Variants in RPS14 observed in about 807,000 individuals in gnomAD.
RPS14 encodes the protein ribosomal protein S14, also known as small ribosomal subunit protein uS11.
Under a neutral mutation model 15.4 loss-of-function variants are expected in RPS14, and 1 was observed. That is an observed-to-expected ratio of 0.07 (90% CI 0.02 to 0.31). The LOEUF is 0.31. Among genes scored for constraint, RPS14 ranks in the 10% least tolerant of loss-of-function variants. RPS14 has a pLI of 1.00. For synonymous variants in RPS14, 68 were observed against 74.4 expected (o/e 0.91, Z 0.44); for missense variants, 69 against 205.5 (o/e 0.34, Z 4.06).
chr5:150,445,278 C>T (rs1771059474), intron 4 of RPS14: 3 of 406,222 alleles, frequency 7.4e-6, no homozygotes, highest in Non-Finnish European at 1.3e-5. Flanking sequence ...AAATGCTGAA[C>T]ATCCTACAAT....
In RPS14 at chr5:150,446,559, T is replaced by C. The variant is rs1771103696; in HGVS notation, c.311+243A>G. 6.6e-6 allele frequency among the ~76,000 whole-genome samples: 1 copy of C among 152,076 alleles called. No individual in the cohort carries two copies. The highest frequency in any genetic ancestry group is 6.6e-5 in the Admixed American group (1 of 15,260). ...CAGCCTCGGTCCCACACAAGGAGGG[T>C]AGAGACCATGTCTGTTTCCCCATCA... On this transcript the variant is annotated intron_variant, in intron 3 of 4. Coordinates refer to ENST00000407193, the MANE Select transcript of RPS14 (RefSeq NM_005617.4). This position sits in a 1 kb window ranked among gnomAD's most constrained non-coding sequence, Gnocchi z 4.2.
chr5:150,442,961 G>C lies in RPS14; in HGVS notation c.*1325C>G, dbSNP rs563946250. 6.6e-6 allele frequency: 1 copy of C among 152,214 alleles called. No homozygotes were observed. The highest frequency in any genetic ancestry group is 1.5e-5 in the Non-Finnish European group (1 of 68,070). The allele number at this position is 152,214 out of a possible 1,614,324, so 9.4% of individuals were successfully genotyped here. The stretch of plus-strand genomic sequence containing the variant: ...CGTCCTCCTGTCTCGGCTTCCCAAA[G>C]TGTTGGGATTATAGGCGTGAACCAC... On this transcript the variant is annotated 3_prime_UTR_variant, in exon 5 of 5. Coordinates refer to ENST00000407193, the MANE Select transcript of RPS14 (RefSeq NM_005617.4).
At chr5:150,447,828 C>A (rs1479149480) in intron 1 of RPS14, 93 bp from the exon 2 acceptor site, 1 of 1,345,434 alleles carries the variant, frequency 7.4e-7, no homozygotes, top group African/African-American at 1.5e-5. Context: ...AGTCCTGCTT[C>A]ATGTCCCTGT....
intron 4 of RPS14, among the ~76,000 whole-genome samples, chr5:150,444,906 T>G (rs1489797257): frequency 6.6e-6 from 1 of 150,780 alleles, no homozygotes; most frequent in Non-Finnish European, 1.5e-5. Context: ...TCCCAGCTAC[T>G]CAGTAGATGC....
At chr5:150,447,758 C>T in intron 1 of RPS14, 23 bp from the exon 2 acceptor site, 1 of 1,609,458 alleles carries the variant, frequency 6.2e-7, no homozygotes, top group Non-Finnish European at 8.5e-7. Context: ...AAAAGAAACT[C>T]AAGGTTAACA....
In RPS14 at chr5:150,446,045, T is replaced by C. The variant is rs1448854038; in HGVS notation, c.312-360A>G. Among the ~76,000 whole-genome samples the C allele has an allele frequency of 2.6e-5, 4 of 151,028 alleles. No individual in the cohort carries two copies. Among genetic ancestry groups the C allele is most frequent in the South Asian group, 2.1e-4 (1 of 4,794 alleles). ...AGCCAGAGACTGCAGTAAGCTGAGA[T>C]AGCGCCACTGCACTCCAGCCTGGGT... On this transcript the variant is annotated intron_variant, in intron 3 of 4. Transcript: ENST00000407193. This position sits in a 1 kb window ranked among gnomAD's most constrained non-coding sequence, Gnocchi z 4.2.
At chr5:150,447,427 G>A in intron 2 of RPS14, 158 bp downstream of exon 2, 1 of 741,642 alleles carries the variant, frequency 1.3e-6, no homozygotes. Flanking sequence ...GTAACCCCTG[G>A]GAAATCACAA....
Position 150,446,852 on chromosome 5 carries a change from C to G in RPS14, c.261G>C (p.Glu87Asp). The change falls in exon 3 of 5, where the codon GAG becomes GAC. Residue 87 changes from glutamate to aspartate, a missense_variant. By Grantham distance (45) the Glu-to-Asp change is conservative. Transcript: ENST00000407193. This position sits in a 1 kb window ranked among gnomAD's most constrained non-coding sequence, Gnocchi z 4.2. ...AAQDVAQRCK[E>D]LGITALHIKL... The stretch of plus-strand genomic sequence containing the variant: ...TGATGTGTAGGGCGGTGATACCCAG[C>G]TCCTTGCACCTCTGGGCCACATCCT... 1 of 1,614,186 alleles carries G rather than the reference C, an allele frequency of 6.2e-7. No individual in the cohort carries two copies. The highest frequency in any genetic ancestry group is 1.3e-5 in the African/African-American group (1 of 75,044).
At position 150,446,061 on chromosome 5, in the gene RPS14, C is replaced by G. The variant is rs1244943991; in HGVS notation, c.312-376G>C. ...AAGCTGAGATAGCGCCACTGCACTC[C>G]AGCCTGGGTGAGAGTGAGACCCTGT... On this transcript the variant is annotated intron_variant, in intron 3 of 4. Transcript: ENST00000407193. The surrounding 1 kb of genome is among the most constrained non-coding windows in gnomAD (Gnocchi z 4.2). Among the ~76,000 whole-genome samples, 2 of 151,774 alleles carry G rather than the reference C, an allele frequency of 1.3e-5. No homozygotes were observed. Among genetic ancestry groups the G allele is most frequent in the African/African-American group, 4.8e-5 (2 of 41,272 alleles).
At chr5:150,445,316 A>G in intron 4 of RPS14, 1 of 547,998 alleles carries the variant, frequency 1.8e-6, no homozygotes, top group Non-Finnish European at 3.3e-6. Flanking sequence ...CAAAATGCTA[A>G]TAGCAATGAC....
In RPS14 at chr5:150,444,421, C is replaced by A. The variant is rs917792698; in HGVS notation, c.389-68G>T. 3.0e-6 allele frequency: 4 copies of A among 1,328,020 alleles called. No homozygotes were observed. In the South Asian group the frequency reaches 4.8e-5, roughly 16 times the overall value. 82.3% of individuals were successfully genotyped at this position (1,328,020 alleles called of 1,614,324 possible). A position where few individuals can be genotyped will look rare whatever the true frequency, so the allele number is the denominator to read the frequency against. ...GGAAGGGCCCCCAGGACTCCCTAGACCAATGGCCTAACCAATCAGCAACAG... is the reference window on the plus strand; with the variant it reads ...GGAAGGGCCCCCAGGACTCCCTAGAACAATGGCCTAACCAATCAGCAACAG... On this transcript the variant is annotated intron_variant, in intron 4 of 4. Coordinates refer to ENST00000407193, the MANE Select transcript of RPS14 (RefSeq NM_005617.4).
chr5:150,447,495 TAG>T (rs754401482), intron 2 of RPS14, 88 bp downstream of exon 2: 8 of 1,300,686 alleles, frequency 6.2e-6, no homozygotes, highest in Non-Finnish European at 7.8e-6. Flanking sequence ...AGCATTTCTT[TAG>T]AGAGAATCCC....
At chr5:150,447,307 C>A in intron 2 of RPS14, 1 of 538,046 alleles carries the variant, frequency 1.9e-6, no homozygotes. Flanking sequence ...AGCCCACTTG[C>A]AGTCCACTGC....
intron 2 of RPS14, chr5:150,447,324 T>G (rs1313360239): frequency 3.6e-6 from 2 of 550,612 alleles, no homozygotes; most frequent in East Asian, 6.2e-5. Flanking sequence ...CTGCTGCTCC[T>G]GCAAAGGGAA....
chr5:150,445,740 C>G (rs1771075689), intron 3 of RPS14, 55 bp from the exon 4 acceptor site: 2 of 1,397,528 alleles, frequency 1.4e-6, no homozygotes, highest in South Asian at 1.2e-5. Flanking sequence ...AATGGAAGAT[C>G]TCCTTTCTAA....
chr5:150,445,616 C>G lies in RPS14; in HGVS notation c.381G>C (p.Gly127=). Residue 127 remains glycine (G), a synonymous_variant, in exon 4 of 5, where the codon GGG becomes GGC. Coordinates refer to ENST00000407193, the MANE Select transcript of RPS14 (RefSeq NM_005617.4). The stretch of plus-strand genomic sequence containing the variant: ...CTAGAGGGGGGCACTTACCAATCCG[C>G]CCGATCTTCATACCCGAGCGGGCAA... ...RALARSGMKI[G]RIEDVTPIPS... is the part of the protein sequence containing the mutation. 6.2e-7 allele frequency: 1 copy of G among 1,613,258 alleles called. No individual in the cohort carries two copies. The highest frequency in any genetic ancestry group is 8.5e-7 in the Non-Finnish European group (1 of 1,179,794).
Position 150,443,014 on chromosome 5 carries a change from AGTTTTTATACTAAT to A in RPS14, c.*1258_*1271del, listed in dbSNP as rs1770981948. The A allele has an allele frequency of 6.6e-6, 1 of 152,108 alleles. No individual in the cohort carries two copies. Among genetic ancestry groups the A allele is most frequent in the South Asian group, 2.1e-4 (1 of 4,824 alleles). The allele number at this position is 152,108 out of a possible 1,614,324, so 9.4% of individuals were successfully genotyped here. A position where few individuals can be genotyped will look rare whatever the true frequency, so the allele number is the denominator to read the frequency against. ...TGCCCTGCCTTTATCCTATTTCACTAGTTTTTATACTAATACCCTATTCTGGTTCCAGAATCCAA... is the reference window on the plus strand; with the variant it reads ...TGCCCTGCCTTTATCCTATTTCACTAACCCTATTCTGGTTCCAGAATCCAA... On this transcript the variant is annotated 3_prime_UTR_variant, in exon 5 of 5. Transcript: ENST00000407193.
Position 150,445,639 on chromosome 5 carries a change from C to A in RPS14, c.358G>T (p.Ala120Ser). 6.2e-7 allele frequency: 1 copy of A among 1,612,662 alleles called. No homozygotes were observed. The highest frequency in any genetic ancestry group is 8.5e-7 in the Non-Finnish European group (1 of 1,179,696). The change falls in exon 4 of 5, where the codon GCC becomes TCC. Residue 120 changes from alanine to serine, a missense_variant. Physicochemically the swap from Ala to Ser is moderately conservative, Grantham distance 99. Coordinates refer to ENST00000407193, the MANE Select transcript of RPS14 (RefSeq NM_005617.4). ...CGCCCGATCTTCATACCCGAGCGGG[C>A]AAGGGCTCTGAGGGCCGACTGGGCC... ...PGAQSALRAL[A>S]RSGMKIGRIE...
intron 4 of RPS14, among the ~76,000 whole-genome samples, chr5:150,444,792 G>A (rs13171800): frequency 0.21 from 32,371 of 151,400 alleles, 4,128 homozygotes; most frequent in South Asian, 0.4. Flanking sequence ...TTGGGAGACT[G>A]AGGCTGGTGG....
Sources: allele counts gnomAD v4.1 joint callset (sites outside exome capture counted in the v4.1 genomes callset), GRCh38; gene constraint gnomAD v4.1.1; non-coding constraint Gnocchi (gnomAD v3.1); transcripts MANE v1.5; gene names NCBI Gene and HGNC (gene_info 2026-07-23, HGNC 2026-07-21).